RAB3IP: variants seen among roughly 807,000 people sequenced by gnomAD.
The protein encoded by RAB3IP is RAB3A interacting protein.
RAB3IP carries 36 observed loss-of-function variants against 59.1 expected under a neutral mutation model. The ratio of observed to expected loss-of-function variants is 0.61; its 90% CI spans 0.47 to 0.80. RAB3IP has a LOEUF of 0.80. Among genes scored for constraint, RAB3IP ranks in the 30% least tolerant of loss-of-function variants. The pLI is 0.00. For synonymous variants in RAB3IP, 207 were observed against 191.2 expected (o/e 1.08, Z -0.68); for missense variants, 511 against 536.0 (o/e 0.95, Z 0.46).
intron 1 of RAB3IP, among the ~76,000 whole-genome samples, chr12:69,745,520 A>T (rs1868301927): frequency 6.6e-6 from 1 of 152,206 alleles, no homozygotes; most frequent in Non-Finnish European, 1.5e-5. Flanking sequence ...AACAAAAATA[A>T]TATAGGGGAA....
chr12:69,811,958 A>G (rs955557262), intron 8 of RAB3IP: 3 of 152,154 alleles, frequency 2.0e-5, no homozygotes, highest in African/African-American at 4.8e-5. Context: ...GGGGAGTGAT[A>G]GTTGTATTGA....
intron 1 of RAB3IP, among the ~76,000 whole-genome samples, chr12:69,745,835 G>C (rs939779735): frequency 6.6e-6 from 1 of 152,130 alleles, no homozygotes; most frequent in Non-Finnish European, 1.5e-5. Context: ...ATCCATTTCA[G>C]CTTCTAAGTG....
intron 6 of RAB3IP, chr12:69,796,458 CT>C: frequency 2.4e-6 from 1 of 413,670 alleles, no homozygotes; most frequent in Non-Finnish European, 4.3e-6. Flanking sequence ...ATTTATGAAG[CT>C]TTCCCATTTC....
intron 8 of RAB3IP, among the ~76,000 whole-genome samples, chr12:69,806,285 G>A (rs1879254095): frequency 6.6e-6 from 1 of 152,158 alleles, no homozygotes; most frequent in African/African-American, 2.4e-5. Flanking sequence ...TATTTGCATA[G>A]AGGTGTTTAT....
intron 3 of RAB3IP, among the ~76,000 whole-genome samples, chr12:69,781,993 ATAAAT>A (rs1874798998): frequency 6.6e-6 from 1 of 152,222 alleles, no homozygotes; most frequent in Non-Finnish European, 1.5e-5. Flanking sequence ...GTCACTAGCA[ATAAAT>A]TAGAGTTCCT....
At position 69,818,744 on chromosome 12, in the gene RAB3IP, A is replaced by G. The variant is rs1881399964; in HGVS notation, c.*3298A>G. ...AAAAGTCAAGAACAACTAAAACTGA[A>G]CAGCTGTTTAGGCATTGACATATGT... On this transcript the variant is annotated 3_prime_UTR_variant, in exon 11 of 11. Coordinates refer to ENST00000247833, the MANE Select transcript of RAB3IP (RefSeq NM_022456.5). 6.6e-6 allele frequency: 1 copy of G among 152,220 alleles called. No individual in the cohort carries two copies. Among genetic ancestry groups the G allele is most frequent in the Non-Finnish European group, 1.5e-5 (1 of 68,042 alleles). The allele number at this position is 152,220 out of a possible 1,614,324, so 9.4% of individuals were successfully genotyped here.
chr12:69,780,975 A>G (rs1035886860), intron 3 of RAB3IP, among the ~76,000 whole-genome samples: 2 of 152,186 alleles, frequency 1.3e-5, no homozygotes, highest in African/African-American at 2.4e-5. Flanking sequence ...TTTTAGTTAC[A>G]AGTATTATCT....
intron 1 of RAB3IP, among the ~76,000 whole-genome samples, chr12:69,746,524 T>C (rs1433514907): frequency 3.3e-5 from 5 of 152,228 alleles, no homozygotes; most frequent in African/African-American, 1.2e-4. Flanking sequence ...ATGCCGTGGC[T>C]CGTAGAGGCT....
In RAB3IP at chr12:69,789,510, A is replaced by G. The variant is rs1176077763; in HGVS notation, c.606+4695A>G. On this transcript the variant is annotated intron_variant, in intron 4 of 10. Transcript: ENST00000247833. ...GGCTTCACAGGTAAATTCTACCAAC[A>G]TTCAAAGAAGAATCAGTGCCAATTC... is the stretch of plus-strand genomic sequence containing the variant. Among the ~76,000 whole-genome samples, 4 of 152,254 alleles carry G rather than the reference A, an allele frequency of 2.6e-5. No homozygotes were observed. In the East Asian group the frequency reaches 7.7e-4, roughly 29 times the overall value.
intron 4 of RAB3IP, among the ~76,000 whole-genome samples, chr12:69,792,241 G>A (rs973499213): frequency 6.6e-6 from 1 of 152,072 alleles, no homozygotes; most frequent in Non-Finnish European, 1.5e-5. Flanking sequence ...TGTACAGCAC[G>A]ACTATATCGT....
intron 3 of RAB3IP, among the ~76,000 whole-genome samples, chr12:69,760,568 A>G (rs1871155426): frequency 6.6e-6 from 1 of 151,966 alleles, no homozygotes; most frequent in Non-Finnish European, 1.5e-5. Context: ...GGCTTGAAGG[A>G]CATCCTTTTA....
In RAB3IP at chr12:69,800,068, AACC is replaced by A. The variant is rs1459333354; in HGVS notation, c.889-136_889-134del. The A allele has an allele frequency of 5.8e-6, 3 of 515,474 alleles. No individual in the cohort carries two copies. The African/African-American group carries it at 6.0e-5, about 10-fold the overall frequency. 31.9% of individuals were successfully genotyped at this position (515,474 alleles called of 1,614,324 possible). A position where few individuals can be genotyped will look rare whatever the true frequency, so the allele number is the denominator to read the frequency against. On this transcript the variant is annotated intron_variant, in intron 6 of 10. Transcript: ENST00000247833. Reference sequence around the variant, plus strand: ...AAAGGAAAACTGCTACCAGGTATTGAACCACCAAGAGTGGTTCAATTTATTATT... The same window carrying A: ...AAAGGAAAACTGCTACCAGGTATTGAACCAAGAGTGGTTCAATTTATTATT...
chr12:69,805,019 C>G (rs1469219066), intron 8 of RAB3IP, among the ~76,000 whole-genome samples: 1 of 152,094 alleles, frequency 6.6e-6, no homozygotes. Context: ...GTAGTTTTTT[C>G]CAATTCTGTG....
At chr12:69,756,317 G>A (rs1870202317) in intron 2 of RAB3IP, 88 bp from the exon 3 acceptor site, 3 of 1,347,542 alleles carry the variant, frequency 2.2e-6, no homozygotes, top group Non-Finnish European at 3.1e-6. Context: ...TACCAAATTG[G>A]GTAGTACAGT....
chr12:69,741,012 C>T (rs1887279146), intron 1 of RAB3IP, among the ~76,000 whole-genome samples: 1 of 152,198 alleles, frequency 6.6e-6, no homozygotes, highest in Admixed American at 6.5e-5. Flanking sequence ...AGCTTATTTT[C>T]TCCATTTGTC....
intron 3 of RAB3IP, among the ~76,000 whole-genome samples, chr12:69,782,609 T>A (rs1014809242): frequency 5.9e-5 from 9 of 152,246 alleles, no homozygotes; most frequent in Non-Finnish European, 1.2e-4. Flanking sequence ...CGTTCTTTTC[T>A]CACTGTTGGA....
chr12:69,799,950 A>G (rs1878116011), intron 6 of RAB3IP, among the ~76,000 whole-genome samples: 1 of 152,156 alleles, frequency 6.6e-6, no homozygotes, highest in East Asian at 1.9e-4. Flanking sequence ...ATGCTTGGAA[A>G]AAGGCTAATT....
Position 69,804,938 on chromosome 12 carries a change from C to T in RAB3IP, c.1130+3217C>T, listed in dbSNP as rs1249978779. ...TTGAAGTCAGGTAGCGTGATGCCTCCAGCTTTGTTCTTTTGGCTTAGGATT... is the reference window on the plus strand; with the variant it reads ...TTGAAGTCAGGTAGCGTGATGCCTCTAGCTTTGTTCTTTTGGCTTAGGATT... On this transcript the variant is annotated intron_variant, in intron 8 of 10. Coordinates refer to ENST00000247833, the MANE Select transcript of RAB3IP (RefSeq NM_022456.5). Among the ~76,000 whole-genome samples the T allele has an allele frequency of 3.3e-5, 5 of 152,284 alleles. No individual in the cohort carries two copies. The South Asian group carries it at 1.0e-3, about 32-fold the overall frequency.
intron 8 of RAB3IP, among the ~76,000 whole-genome samples, chr12:69,810,301 C>T (rs1037363158): frequency 3.3e-5 from 5 of 152,164 alleles, no homozygotes; most frequent in South Asian, 2.1e-4. Context: ...GGTGTCAGTC[C>T]GCCCCTACTG....
Sources: gnomAD v4.1 joint callset for allele counts (sites outside exome capture counted in the v4.1 genomes callset) on GRCh38, gnomAD v4.1.1 for gene constraint, MANE v1.5 for transcripts, NCBI Gene and HGNC (gene_info 2026-07-23, HGNC 2026-07-21) for gene names.